NCALD: variants seen among roughly 807,000 people sequenced by gnomAD.
NCALD encodes the protein neurocalcin-delta.
Under a neutral mutation model 18.6 loss-of-function variants are expected in NCALD, and 10 were observed. The ratio of observed to expected loss-of-function variants is 0.54; its 90% confidence interval spans 0.33 to 0.91. The LOEUF is 0.91. NCALD is among the 40% of genes least tolerant of loss of function. The probability of loss-of-function intolerance (pLI) is 0.03; values close to 1 mark genes in which losing one functional copy is unlikely to be tolerated. For missense variants in NCALD, 184 were observed against 247.6 expected, an observed-to-expected ratio of 0.74 and a Z score of 1.72; for synonymous variants, 88 against 87.4, an observed-to-expected ratio of 1.01 and a Z score of -0.04.
At chr8:101,902,933 A>C (rs1817487591) in intron 3 of NCALD, among the ~76,000 whole-genome samples, 1 of 152,088 alleles carries the variant, frequency 6.6e-6, no homozygotes, top group African/African-American at 2.4e-5. Flanking sequence ...GTTGCTCTCC[A>C]AGGCTAACGG....
At chr8:101,855,304 T>C (rs896422935) in intron 4 of NCALD, among the ~76,000 whole-genome samples, 6 of 152,126 alleles carry the variant, frequency 3.9e-5, no homozygotes, top group Admixed American at 3.9e-4. Flanking sequence ...GAAGTGATAT[T>C]TGTCACTTCT....
intron 4 of NCALD, among the ~76,000 whole-genome samples, chr8:101,811,296 G>A (rs1025322635): frequency 1.3e-5 from 2 of 152,184 alleles, no homozygotes; most frequent in Admixed American, 6.6e-5. Flanking sequence ...CAGCATAAGA[G>A]GGTCTTGGAC....
chr8:101,955,187 A>T (rs891163763), intron 2 of NCALD, among the ~76,000 whole-genome samples: 2 of 152,238 alleles, frequency 1.3e-5, no homozygotes, highest in Non-Finnish European at 2.9e-5. Flanking sequence ...TCACAGTCTT[A>T]ATTAAATGAG....
intron 4 of NCALD, among the ~76,000 whole-genome samples, chr8:101,879,588 G>C (rs575531070): frequency 6.6e-6 from 1 of 152,252 alleles, no homozygotes; most frequent in Non-Finnish European, 1.5e-5. Flanking sequence ...GGGTTACAAC[G>C]GCTAGCTGGG....
intron 3 of NCALD, among the ~76,000 whole-genome samples, chr8:101,910,774 G>C (rs910991667): frequency 3.3e-5 from 5 of 152,138 alleles, no homozygotes; most frequent in African/African-American, 1.2e-4. Context: ...AAATATATCT[G>C]ATAAAACCAC....
rs576794348 is a variant in NCALD at position 101,946,322 on chromosome 8, T to A, written c.-156-30464A>T. Among the ~76,000 whole-genome samples the A allele has an allele frequency of 3.3e-5, 5 of 152,266 alleles. No homozygotes were observed. In the East Asian group the frequency reaches 9.6e-4, roughly 29 times the overall value. ...GATACAGTGATGAGCTAGACCTACA[T>A]GGAGCATGCCTTTAAGGAATTTACA... On this transcript the variant is annotated intron_variant, in intron 2 of 6. Coordinates refer to the NCALD transcript ENST00000311028.
At chr8:101,855,930 T>A (rs58181251) in intron 4 of NCALD, among the ~76,000 whole-genome samples, 4,951 of 152,244 alleles carry the variant, frequency 0.033, 175 homozygotes, top group African/African-American at 0.087. Context: ...TTATTTGAAG[T>A]CCAGAGACGA....
At chr8:101,751,319 G>A (rs536886491) in intron 1 of NCALD, among the ~76,000 whole-genome samples, 1 of 152,234 alleles carries the variant, frequency 6.6e-6, no homozygotes, top group East Asian at 1.9e-4. Context: ...TAGAACACAG[G>A]TTACCAGGGA....
intron 1 of NCALD, among the ~76,000 whole-genome samples, chr8:102,119,126 A>C (rs1468213942): frequency 6.6e-6 from 1 of 152,192 alleles, no homozygotes; most frequent in Non-Finnish European, 1.5e-5. Flanking sequence ...GTACACCCAT[A>C]TTCACAGCAG....
At chr8:102,027,461 C>T (rs1822501621) in intron 1 of NCALD, among the ~76,000 whole-genome samples, 1 of 152,194 alleles carries the variant, frequency 6.6e-6, no homozygotes, top group African/African-American at 2.4e-5. Context: ...TCCCCATCTC[C>T]ATTTGAGACC....
intron 3 of NCALD, among the ~76,000 whole-genome samples, chr8:101,907,987 G>T (rs988091455): frequency 1.3e-5 from 2 of 152,120 alleles, no homozygotes; most frequent in Admixed American, 1.3e-4. Flanking sequence ...AAATAGAGCA[G>T]CTCAAAAAAC....
At chr8:102,104,686 G>T (rs1224507432) in intron 1 of NCALD, among the ~76,000 whole-genome samples, 1 of 152,150 alleles carries the variant, frequency 6.6e-6, no homozygotes, top group East Asian at 1.9e-4. Context: ...GGTTGTTTTT[G>T]CATGGACAGT....
chr8:101,896,039 A>T (rs1478143761), intron 3 of NCALD, among the ~76,000 whole-genome samples: 1 of 151,202 alleles, frequency 6.6e-6, no homozygotes, highest in Non-Finnish European at 1.5e-5. Context: ...GGAACCAAAA[A>T]AGAGCCCGCA....
At chr8:101,832,752 T>G (rs972096068) in intron 4 of NCALD, among the ~76,000 whole-genome samples, 1 of 152,252 alleles carries the variant, frequency 6.6e-6, no homozygotes, top group Non-Finnish European at 1.5e-5. Context: ...ATAAATATTG[T>G]GGGCTTTGCC....
intron 1 of NCALD, among the ~76,000 whole-genome samples, chr8:102,022,808 T>A (rs1270044801): frequency 6.6e-6 from 1 of 152,120 alleles, no homozygotes. Flanking sequence ...AACTGTGTAG[T>A]CATTGTGGTT....
intron 1 of NCALD, among the ~76,000 whole-genome samples, chr8:102,082,335 G>C (rs777962108): frequency 7.0e-6 from 1 of 143,176 alleles, no homozygotes; most frequent in Admixed American, 7.5e-5. Context: ...CCGGATTCAC[G>C]CCATTCTCCT....
intron 3 of NCALD, among the ~76,000 whole-genome samples, chr8:101,910,972 C>T (rs556243189): frequency 1.3e-5 from 2 of 152,272 alleles, no homozygotes; most frequent in South Asian, 4.1e-4. Flanking sequence ...TCACTGAATG[C>T]CTCCTTCACA....
At chr8:101,864,583 TCTTTC>T (rs1195938605) in intron 4 of NCALD, among the ~76,000 whole-genome samples, 69 of 148,504 alleles carry the variant, frequency 4.6e-4, no homozygotes, top group Middle Eastern at 7.0e-3. Flanking sequence ...GTTCCAATTT[TCTTTC>T]CTTTCTTTTT....
intron 1 of NCALD, among the ~76,000 whole-genome samples, chr8:101,720,187 G>GA (rs1816285971): frequency 1.3e-5 from 2 of 152,128 alleles, no homozygotes. Context: ...CATAAAGACA[G>GA]AAAATGGAAG....
Sources: allele counts gnomAD v4.1 joint callset (sites outside exome capture counted in the v4.1 genomes callset), GRCh38; gene constraint gnomAD v4.1.1; transcripts MANE v1.5; gene names NCBI Gene and HGNC (gene_info 2026-07-23, HGNC 2026-07-21).